Variants in BPIFC observed in about 807,000 individuals in gnomAD.
BPIFC encodes the protein BPI fold-containing family C protein.
A neutral mutation model predicts 57.6 loss-of-function variants in BPIFC; 60 were observed. The observed-to-expected ratio is 1.04, with a 90% CI of 0.85 to 1.29. The LOEUF (loss-of-function observed/expected upper bound fraction) is 1.29. Among genes scored for constraint, BPIFC ranks in the 50% most tolerant of loss-of-function variants. BPIFC has a pLI of 0.00. For missense variants in BPIFC, 581 were observed against 600.5 expected (o/e 0.97, Z 0.34); for synonymous variants, 243 against 224.5 (o/e 1.08, Z -0.74).
Position 32,445,125 on chromosome 22 carries a change from A to C in BPIFC, c.594+510T>G, listed in dbSNP as rs1291731272. Among the ~76,000 whole-genome samples, 18 of 152,230 alleles carry C rather than the reference A, an allele frequency of 1.2e-4. No homozygotes were observed. The East Asian group carries it at 3.5e-3, about 29-fold the overall frequency. ...AAGCACCTACCACAATATTTGGCAC[A>C]TAGTAGGGATTTGAGAAACTGTTAT... On this transcript the variant is annotated intron_variant, in intron 7 of 16. Coordinates refer to ENST00000300399, the MANE Select transcript of BPIFC (RefSeq NM_174932.3).
intron 13 of BPIFC, among the ~76,000 whole-genome samples, chr22:32,422,978 A>G (rs926894967): frequency 1.3e-5 from 2 of 152,210 alleles, no homozygotes; most frequent in Non-Finnish European, 2.9e-5. Flanking sequence ...GGTTCTCAGT[A>G]AATTCTTACT....
intron 15 of BPIFC, 33 bp from the exon 16 acceptor site, chr22:32,416,024 G>T: frequency 7.0e-7 from 1 of 1,426,278 alleles, no homozygotes; most frequent in Non-Finnish European, 9.5e-7. Context: ...AAACAATTGG[G>T]CACAAGCACA....
At chr22:32,429,125 TG>T (rs1934156731) in intron 13 of BPIFC, among the ~76,000 whole-genome samples, 1 of 152,192 alleles carries the variant, frequency 6.6e-6, no homozygotes, top group African/African-American at 2.4e-5. Context: ...ACAGCTGTTG[TG>T]TTTGTGCAGT....
chr22:32,445,321 A>T (rs1288856904), intron 7 of BPIFC, among the ~76,000 whole-genome samples: 1 of 152,142 alleles, frequency 6.6e-6, no homozygotes, highest in African/African-American at 2.4e-5. Context: ...GCGGATCACG[A>T]GTTCAGGAGA....
In BPIFC at chr22:32,415,942, GA is replaced by G; in HGVS notation, c.1373del (p.Phe458SerfsTer14). The G allele has an allele frequency of 6.3e-7, 1 of 1,594,024 alleles. No individual in the cohort carries two copies. Among genetic ancestry groups the G allele is most frequent in the African/African-American group, 1.4e-5 (1 of 72,800 alleles). On this transcript the variant is annotated frameshift_variant, in exon 16 of 17. Coordinates refer to ENST00000300399, the MANE Select transcript of BPIFC (RefSeq NM_174932.3). LOFTEE classifies it low-confidence loss of function (END_TRUNC). The part of the protein sequence containing the change: ...FPLSNPHKFL[F>X]VNSDIEVLEG... ...CAAGAACTTCAATATCTGAATTGACGAATAAGAATTTGTGTGGATTGGACAG... is the reference window on the plus strand; with the variant it reads ...CAAGAACTTCAATATCTGAATTGACGATAAGAATTTGTGTGGATTGGACAG...
At chr22:32,420,011 T>C (rs1253101567) in intron 13 of BPIFC, among the ~76,000 whole-genome samples, 2 of 151,910 alleles carry the variant, frequency 1.3e-5, no homozygotes, top group African/African-American at 4.8e-5. Context: ...ACTTGGAATG[T>C]AGAACAATCT....
intron 13 of BPIFC, among the ~76,000 whole-genome samples, chr22:32,429,343 G>A (rs1406560392): frequency 6.6e-6 from 1 of 150,442 alleles, no homozygotes; most frequent in Non-Finnish European, 1.5e-5. Context: ...AGCAGCTGGA[G>A]CTACAGGCGC....
At chr22:32,450,707 T>G (rs1343261271) in intron 4 of BPIFC, among the ~76,000 whole-genome samples, 1 of 152,148 alleles carries the variant, frequency 6.6e-6, no homozygotes, top group East Asian at 1.9e-4. Context: ...TATATATGTT[T>G]AGCATCCCAA....
intron 9 of BPIFC, 45 bp downstream of exon 9, chr22:32,437,715 G>A: frequency 1.5e-6 from 2 of 1,356,318 alleles, no homozygotes; most frequent in Non-Finnish European, 2.1e-6. Context: ...TCTAAATATT[G>A]GCTGTTGACA....
intron 4 of BPIFC, among the ~76,000 whole-genome samples, chr22:32,450,668 A>G (rs1224444182): frequency 6.6e-6 from 1 of 152,048 alleles, no homozygotes; most frequent in African/African-American, 2.4e-5. Context: ...CCTCAATTCA[A>G]ACATTGGATT....
Position 32,447,341 on chromosome 22 carries a change from C to T in BPIFC, c.246-1G>A, listed in dbSNP as rs760611482. On this transcript the variant is annotated splice_acceptor_variant, in intron 4 of 16. Coordinates refer to ENST00000300399, the MANE Select transcript of BPIFC (RefSeq NM_174932.3). LOFTEE classifies it high-confidence loss of function. Reference sequence around the variant, plus strand: ...AAATGAAAAGGCACTGATTTTTATACTGTAAAACCAGAAACAAGAAGTTAG... The same window carrying T: ...AAATGAAAAGGCACTGATTTTTATATTGTAAAACCAGAAACAAGAAGTTAG... The T allele has an allele frequency of 6.8e-6, 11 of 1,610,024 alleles. No individual in the cohort carries two copies. The highest frequency in any genetic ancestry group is 7.6e-6 in the Non-Finnish European group (9 of 1,178,594).
rs537408439 is a variant in BPIFC, at chr22:32,461,219, CACT to C, written c.-1+352_-1+354del. ...CTATTAAGGCATTTTGGTATTTTACCACTGATATGGCCTTATGAATCCAGCATG... is the reference window on the plus strand; with the variant it reads ...CTATTAAGGCATTTTGGTATTTTACCGATATGGCCTTATGAATCCAGCATG... On this transcript the variant is annotated intron_variant, in intron 2 of 16. Coordinates refer to ENST00000300399, the MANE Select transcript of BPIFC (RefSeq NM_174932.3). Among the ~76,000 whole-genome samples, 4 of 152,210 alleles carry C rather than the reference CACT, an allele frequency of 2.6e-5. No homozygotes were observed. The East Asian group carries it at 7.7e-4, about 29-fold the overall frequency.
At chr22:32,456,408 C>T (rs1438593206) in intron 3 of BPIFC, among the ~76,000 whole-genome samples, 1 of 149,878 alleles carries the variant, frequency 6.7e-6, no homozygotes, top group Non-Finnish European at 1.5e-5. Context: ...TCCCTCCTTC[C>T]CTCCCTCCCT....
intron 8 of BPIFC, among the ~76,000 whole-genome samples, chr22:32,438,218 G>T (rs1008861847): frequency 6.7e-6 from 1 of 148,244 alleles, no homozygotes; most frequent in Admixed American, 6.9e-5. Flanking sequence ...TGTGAATGTG[G>T]TCTCTCTCTC....
intron 3 of BPIFC, among the ~76,000 whole-genome samples, chr22:32,455,013 T>A (rs1293922198): frequency 6.6e-6 from 1 of 151,770 alleles, no homozygotes; most frequent in East Asian, 1.9e-4. Context: ...TCCACAACAA[T>A]CCTATGGGTA....
chr22:32,447,408 G>T, intron 4 of BPIFC, 68 bp from the exon 5 acceptor site: 1 of 1,550,898 alleles, frequency 6.4e-7, no homozygotes, highest in Non-Finnish European at 8.7e-7. Flanking sequence ...GCAAACTTGG[G>T]AACACAGTTG....
chr22:32,432,249 A>G, intron 12 of BPIFC, 124 bp downstream of exon 12: 3 of 1,062,852 alleles, frequency 2.8e-6, no homozygotes, highest in African/African-American at 1.6e-5. Context: ...TCCAGCCTCC[A>G]TCCTCACTCT....
Position 32,421,715 on chromosome 22 carries a change from C to A in BPIFC, c.1218-2311G>T, listed in dbSNP as rs114899564. Among the ~76,000 whole-genome samples, 819 of 152,308 alleles carry A rather than the reference C, an allele frequency of 5.4e-3. 12 individuals carry two copies. Among genetic ancestry groups the A allele is most frequent in the African/African-American group, 0.019 (791 of 41,558 alleles). ...TGGGACAGGTGCTAGAGATAGCAGC[C>A]TTGTGAGCAAAACTAGACACAACCA... On this transcript the variant is annotated intron_variant, in intron 13 of 16. Transcript: ENST00000300399.
At chr22:32,431,439 A>ATTTATTTATTTTATTTTATTTTT in intron 12 of BPIFC, 25 bp from the exon 13 acceptor site, 3 of 1,343,078 alleles carry the variant, frequency 2.2e-6, no homozygotes, top group Non-Finnish European at 3.2e-6. Flanking sequence ...AGCATTTATT[A>ATTTATTTATTTTATTTTATTTTT]TTAAGACGAG....
Sources: gnomAD v4.1 joint callset for allele counts (sites outside exome capture counted in the v4.1 genomes callset) on GRCh38, gnomAD v4.1.1 for gene constraint, MANE v1.5 for transcripts, NCBI Gene and HGNC (gene_info 2026-07-23, HGNC 2026-07-21) for gene names.